PLCL2: variants seen among roughly 807,000 people sequenced by gnomAD.
The protein encoded by PLCL2 is inactive phospholipase C-like protein 2.
Under a neutral mutation model 79.6 loss-of-function variants are expected in PLCL2, and 4 were observed. That is an observed-to-expected ratio of 0.05 (90% CI 0.02 to 0.11). The LOEUF (loss-of-function observed/expected upper bound fraction) is 0.11, where lower values mean the gene tolerates loss of function less well. Ranked by LOEUF, PLCL2 falls within the 10% of genes least tolerant of loss-of-function variation. The pLI is 1.00. For synonymous variants in PLCL2, 484 were observed against 457.7 expected (o/e 1.06, Z -0.73); for missense variants, 895 against 1,291.0 (o/e 0.69, Z 4.70).
chr3:16,920,863 G>A (rs1161837014), intron 1 of PLCL2, among the ~76,000 whole-genome samples: 3 of 152,122 alleles, frequency 2.0e-5, no homozygotes, highest in Non-Finnish European at 4.4e-5. Context: ...ATCTATAAAT[G>A]TGTTTTGGTA....
chr3:16,989,419 G>A (rs1221972961), intron 1 of PLCL2, among the ~76,000 whole-genome samples: 2 of 152,094 alleles, frequency 1.3e-5, no homozygotes, highest in Non-Finnish European at 2.9e-5. Flanking sequence ...AAAAATGTGC[G>A]CAGTCCAAAT....
At chr3:17,084,807 T>C (rs998293976) in intron 5 of PLCL2, among the ~76,000 whole-genome samples, 3 of 152,176 alleles carry the variant, frequency 2.0e-5, no homozygotes, top group African/African-American at 2.4e-5. Flanking sequence ...ACAAAAATCA[T>C]ACTGCTTACA....
At chr3:16,983,594 C>T (rs1489160081) in intron 1 of PLCL2, among the ~76,000 whole-genome samples, 3 of 152,056 alleles carry the variant, frequency 2.0e-5, no homozygotes, top group East Asian at 1.9e-4. Flanking sequence ...CACTTGAACC[C>T]GGGAAGCGGA....
At chr3:16,983,485 A>G (rs58679681) in intron 1 of PLCL2, among the ~76,000 whole-genome samples, 27,498 of 152,178 alleles carry the variant, frequency 0.18, 3,029 homozygotes, top group East Asian at 0.53. Flanking sequence ...CCTGGCCAAC[A>G]TGGTGAAACC....
chr3:16,887,415 C>T lies in PLCL2; in HGVS notation c.327+2049C>T, dbSNP rs115351859. On this transcript the variant is annotated intron_variant, in intron 1 of 5. Transcript: ENST00000615277. The surrounding 1 kb of genome is among the most constrained non-coding windows in gnomAD (Gnocchi z 4.1). The stretch of plus-strand genomic sequence containing the variant: ...ATAAAACAATTGGTTTTGGATTTAC[C>T]AGTCCCATATTTTGTTCATTGTATT... Among the ~76,000 whole-genome samples the T allele has an allele frequency of 0.032, 4,813 of 152,230 alleles. 117 individuals are homozygous for T. The highest frequency in any genetic ancestry group is 0.056 in the Admixed American group (859 of 15,290).
chr3:16,973,940 G>T (rs2063898718), intron 1 of PLCL2, among the ~76,000 whole-genome samples: 1 of 152,214 alleles, frequency 6.6e-6, no homozygotes, highest in African/African-American at 2.4e-5. Context: ...TATAGTAGGA[G>T]AGTTAGACCT....
chr3:16,961,781 G>A (rs1356277996), intron 1 of PLCL2, among the ~76,000 whole-genome samples: 2 of 152,192 alleles, frequency 1.3e-5, no homozygotes, highest in African/African-American at 4.8e-5. Flanking sequence ...AGGGAGGAAG[G>A]TAGAGTATGT....
chr3:16,950,332 C>T (rs780438428), intron 1 of PLCL2, among the ~76,000 whole-genome samples: 2 of 152,088 alleles, frequency 1.3e-5, no homozygotes, highest in Non-Finnish European at 2.9e-5. Flanking sequence ...TTTTTCTTAA[C>T]AGGCTTGCAT....
intron 1 of PLCL2, among the ~76,000 whole-genome samples, chr3:16,931,656 T>C (rs1697395463): frequency 6.6e-6 from 1 of 152,212 alleles, no homozygotes; most frequent in Non-Finnish European, 1.5e-5. Context: ...TCCAGTTCGG[T>C]TGCTGCCATT....
chr3:16,934,301 C>G (rs1697486029), intron 1 of PLCL2, among the ~76,000 whole-genome samples: 1 of 152,120 alleles, frequency 6.6e-6, no homozygotes, highest in African/African-American at 2.4e-5. Flanking sequence ...CACTCAAGTG[C>G]TGGAGAAGCA....
chr3:16,988,190 C>T (rs2064069607), intron 1 of PLCL2, among the ~76,000 whole-genome samples: 1 of 152,128 alleles, frequency 6.6e-6, no homozygotes, highest in Non-Finnish European at 1.5e-5. Context: ...AACTCAGTTC[C>T]TCCTTCCCCA....
At chr3:17,002,042 T>C (rs2064217111) in intron 1 of PLCL2, among the ~76,000 whole-genome samples, 2 of 152,150 alleles carry the variant, frequency 1.3e-5, no homozygotes, top group East Asian at 3.8e-4. Flanking sequence ...CTCTATCATT[T>C]TCATTGTAGA....
At chr3:17,079,646 G>T (rs571676074) in intron 5 of PLCL2, among the ~76,000 whole-genome samples, 1 of 152,158 alleles carries the variant, frequency 6.6e-6, no homozygotes, top group African/African-American at 2.4e-5. Context: ...CTCCTCCGTG[G>T]TGCTGCCGAG....
Position 17,011,792 on chromosome 3 carries a change from G to C in PLCL2, c.2446G>C (p.Glu816Gln). The C allele has an allele frequency of 6.2e-7, 1 of 1,614,200 alleles. No individual in the cohort carries two copies. The highest frequency in any genetic ancestry group is 8.5e-7 in the Non-Finnish European group (1 of 1,180,026). ...GDAPIFDESFEFQINLPELAM... is the reference protein window; with the variant it reads ...GDAPIFDESFQFQINLPELAM... ...CGCTCCCATTTTTGATGAAAGCTTT[G>C]AATTTCAAATCAACCTGCCTGAACT... Residue 816 changes from glutamate (E) to glutamine (Q), a missense_variant, in exon 2 of 6, where the codon GAA becomes CAA. Physicochemically the swap from Glu to Gln is conservative, Grantham distance 29. Coordinates refer to ENST00000615277, the MANE Select transcript of PLCL2 (RefSeq NM_001144382.2). This position sits in a 1 kb window ranked among gnomAD's most constrained non-coding sequence, Gnocchi z 7.9.
At chr3:16,973,252 C>T (rs2063891976) in intron 1 of PLCL2, among the ~76,000 whole-genome samples, 1 of 152,078 alleles carries the variant, frequency 6.6e-6, no homozygotes, top group Non-Finnish European at 1.5e-5. Context: ...CTTAGTTTGG[C>T]TCTGCCACGA....
chr3:17,042,698 GGATGTGT>G (rs533176783), intron 3 of PLCL2, 169 bp from the exon 4 acceptor site: 1 of 568,738 alleles, frequency 1.8e-6, no homozygotes, highest in Non-Finnish European at 3.2e-6. Flanking sequence ...CATTATGTGG[GGATGTGT>G]GATGTTATCA....
intron 3 of PLCL2, among the ~76,000 whole-genome samples, chr3:17,038,602 A>G (rs1180879049): frequency 6.6e-6 from 1 of 152,112 alleles, no homozygotes; most frequent in Non-Finnish European, 1.5e-5. Flanking sequence ...CATTAAATAT[A>G]AATTATTTAT....
At chr3:16,885,975 T>A (rs542822104) in intron 1 of PLCL2, among the ~76,000 whole-genome samples, 1 of 152,178 alleles carries the variant, frequency 6.6e-6, no homozygotes, top group African/African-American at 2.4e-5. Flanking sequence ...GAGATTACAG[T>A]TCCACACGAT....
intron 4 of PLCL2, among the ~76,000 whole-genome samples, chr3:17,052,572 A>G (rs2124930040): frequency 6.6e-6 from 1 of 152,320 alleles, no homozygotes; most frequent in East Asian, 1.9e-4. Flanking sequence ...TAGAGAAGTG[A>G]AAAAGCAAAA....
Sources: allele counts gnomAD v4.1 joint callset (sites outside exome capture counted in the v4.1 genomes callset), GRCh38; gene constraint gnomAD v4.1.1; non-coding constraint Gnocchi (gnomAD v3.1); transcripts MANE v1.5; gene names NCBI Gene and HGNC (gene_info 2026-07-23, HGNC 2026-07-21).